DMD: variants seen among roughly 807,000 people sequenced by gnomAD.
The protein encoded by DMD is dystrophin, also known as mutant dystrophin.
Under a neutral mutation model 330.1 loss-of-function variants are expected in DMD, and 63 were observed. The ratio of observed to expected loss-of-function variants is 0.19; its 90% CI spans 0.16 to 0.24. DMD has a LOEUF of 0.24. Ranked by LOEUF, DMD falls within the 10% of genes least tolerant of loss-of-function variation. DMD has a pLI of 1.00. For synonymous variants in DMD, 1,223 were observed against 959.8 expected, an observed-to-expected ratio of 1.27 and a Z score of -5.07; for missense variants, 3,344 against 2,684.1, an observed-to-expected ratio of 1.25 and a Z score of -5.43.
At chrX:31,459,588 T>G (rs1049490423) in intron 59 of DMD, among the ~76,000 whole-genome samples, 2 of 111,739 alleles carry the variant, frequency 1.8e-5, no homozygotes, top group Non-Finnish European at 3.8e-5. Context: ...AAAACCAAAC[T>G]TCTAAAAATA....
chrX:31,466,421 G>C (rs1217012309), intron 59 of DMD, among the ~76,000 whole-genome samples: 1 of 111,967 alleles, frequency 8.9e-6, no homozygotes, highest in Non-Finnish European at 1.9e-5. Context: ...TACTGAATAG[G>C]GAATCCTTTC....
intron 50 of DMD, among the ~76,000 whole-genome samples, chrX:31,808,391 C>A (rs1403005896): frequency 9.0e-6 from 1 of 111,666 alleles, no homozygotes; most frequent in Non-Finnish European, 1.9e-5. Context: ...AGTCAGAGAT[C>A]AAGATGGAAA....
chrX:33,171,551 G>A (rs113040156), intron 1 of DMD, among the ~76,000 whole-genome samples: 2,943 of 110,643 alleles, frequency 0.027, 114 homozygotes, highest in African/African-American at 0.091. Flanking sequence ...TCACCTACTC[G>A]TAGGTTATTC....
intron 55 of DMD, among the ~76,000 whole-genome samples, chrX:31,553,688 C>T (rs758575450): frequency 4.5e-5 from 5 of 112,176 alleles, no homozygotes; most frequent in Non-Finnish European, 9.4e-5. Flanking sequence ...GACATTGCAC[C>T]ATCATTACCA....
chrX:32,230,899 GTTA>G (rs1229480594), intron 43 of DMD, among the ~76,000 whole-genome samples: 1 of 111,653 alleles, frequency 9.0e-6, no homozygotes, highest in Non-Finnish European at 1.9e-5. Context: ...TATAATTTCT[GTTA>G]TTTAGAAAAT....
At chrX:32,512,056 G>A (rs1020784441) in intron 18 of DMD, among the ~76,000 whole-genome samples, 2 of 111,327 alleles carry the variant, frequency 1.8e-5, no homozygotes, top group Admixed American at 1.9e-4. Context: ...ACTAAAATGG[G>A]TAACCTAAAT....
At chrX:32,517,910 G>T in intron 18 of DMD, 98 bp downstream of exon 18, 1 of 909,422 alleles carries the variant, frequency 1.1e-6, no homozygotes, top group Non-Finnish European at 1.6e-6. Flanking sequence ...TTATCATATC[G>T]CATTAATCTA....
chrX:32,903,165 A>AAAAG (rs2086442293), intron 2 of DMD, among the ~76,000 whole-genome samples: 1 of 99,559 alleles, frequency 1.0e-5, no homozygotes, highest in Non-Finnish European at 2.0e-5. Flanking sequence ...AAAAAAAAAA[A>AAAAG]GAAACTAAAA....
chrX:31,713,510 T>A (rs981202548), intron 52 of DMD, among the ~76,000 whole-genome samples: 7 of 112,164 alleles, frequency 6.2e-5, no homozygotes, highest in African/African-American at 1.6e-4. Flanking sequence ...AGAAAATGAT[T>A]AACATTTTAC....
At chrX:31,829,068 T>C (rs184006081) in intron 49 of DMD, among the ~76,000 whole-genome samples, 1 of 111,937 alleles carries the variant, frequency 8.9e-6, no homozygotes, top group East Asian at 2.8e-4. Flanking sequence ...AGAATCTCTT[T>C]TGCAGCAACT....
chrX:31,198,416 A>C (rs765886472), intron 67 of DMD, among the ~76,000 whole-genome samples: 40 of 111,376 alleles, frequency 3.6e-4, no homozygotes, highest in African/African-American at 1.3e-3. Context: ...AAAATAACTA[A>C]AAGAGTGAAA....
intron 18 of DMD, among the ~76,000 whole-genome samples, chrX:32,508,488 C>G (rs746206491): frequency 9.0e-6 from 1 of 111,145 alleles, no homozygotes; most frequent in African/African-American, 3.3e-5. Flanking sequence ...TGCAGTCACC[C>G]TTTTTGCTCT....
chrX:32,282,986 A>G (rs1310951831), intron 43 of DMD, among the ~76,000 whole-genome samples: 4 of 111,996 alleles, frequency 3.6e-5, no homozygotes, highest in African/African-American at 1.3e-4. Flanking sequence ...TTGATGTCAG[A>G]TTTGGCAACG....
At chrX:32,698,718 T>A (rs1048487883) in intron 8 of DMD, among the ~76,000 whole-genome samples, 4 of 112,255 alleles carry the variant, frequency 3.6e-5, no homozygotes, top group African/African-American at 1.3e-4. Flanking sequence ...TGTCATAAAG[T>A]ATTTTTTAAT....
At position 31,223,245 on chromosome X, in the gene DMD, T is replaced by C. The variant is rs73617060; in HGVS notation, c.9287-124A>G. On this transcript the variant is annotated intron_variant, in intron 63 of 78. Coordinates refer to ENST00000357033, the MANE Select transcript of DMD (RefSeq NM_004006.3). ...CAAAAATAGCCTAGAAAACATATAG[T>C]GTGTATACGCCAAGCTTTCGGAGGT... The C allele has an allele frequency of 2.5e-4, 152 of 600,680 alleles. No individual in the cohort carries two copies. The African/African-American group carries it at 3.1e-3, about 12-fold the overall frequency. The allele number at this position is 600,680 out of a possible 1,213,427, so 49.5% of individuals were successfully genotyped here. A position where few individuals can be genotyped will look rare whatever the true frequency, so the allele number is the denominator to read the frequency against.
At chrX:32,345,849 G>GAA in intron 39 of DMD, 94 bp downstream of exon 39, 1 of 1,002,836 alleles carries the variant, frequency 1.0e-6, no homozygotes, top group Non-Finnish European at 1.4e-6. Flanking sequence ...TGATGACTAA[G>GAA]TCTGAAGCAG....
intron 44 of DMD, among the ~76,000 whole-genome samples, chrX:31,992,404 A>G (rs2095556917): frequency 8.9e-6 from 1 of 111,850 alleles, no homozygotes; most frequent in African/African-American, 3.2e-5. Flanking sequence ...GCAGGCCATT[A>G]AAACTATCTG....
intron 2 of DMD, 150 bp from the exon 3 acceptor site, chrX:32,849,970 G>A: frequency 1.2e-5 from 6 of 490,097 alleles, no homozygotes; most frequent in Non-Finnish European, 2.0e-5. Context: ...AAAAAGGAAA[G>A]TTCAAATGAC....
intron 7 of DMD, among the ~76,000 whole-genome samples, chrX:32,711,475 G>C (rs944081554): frequency 2.7e-4 from 30 of 111,624 alleles, no homozygotes; most frequent in African/African-American, 9.8e-4. Context: ...CGTGCCCCTT[G>C]ATTAGGAAAG....
Sources: gnomAD v4.1 joint callset for allele counts (sites outside exome capture counted in the v4.1 genomes callset) on GRCh38, gnomAD v4.1.1 for gene constraint, MANE v1.5 for transcripts, NCBI Gene and HGNC (gene_info 2026-07-23, HGNC 2026-07-21) for gene names.